ECHDC2: variants seen among roughly 807,000 people sequenced by gnomAD.
ECHDC2 encodes the protein enoyl-CoA hydratase domain-containing protein 2, mitochondrial.
Under a neutral mutation model 40.6 loss-of-function variants are expected in ECHDC2, and 34 were observed. That is an observed-to-expected ratio of 0.84 (90% CI 0.64 to 1.11). The LOEUF is 1.11. ECHDC2 is among the 50% of genes most tolerant of loss of function. The pLI is 0.00. For missense variants in ECHDC2, 392 were observed against 400.7 expected (o/e 0.98, Z 0.19); for synonymous variants, 162 against 166.6 (o/e 0.97, Z 0.21).
At chr1:52,900,229 T>C (rs750397532) in intron 7 of ECHDC2, 2 of 152,100 alleles carry the variant, frequency 1.3e-5, no homozygotes, top group East Asian at 1.9e-4. Context: ...TACTAAAATA[T>C]CAATATGCCT....
chr1:52,900,071 A>C (rs899559075), intron 7 of ECHDC2: 7 of 152,228 alleles, frequency 4.6e-5, no homozygotes, highest in African/African-American at 1.7e-4. Context: ...AGTTAGTATA[A>C]AGTAACTTTT....
chr1:52,899,044 A>C, intron 8 of ECHDC2, 130 bp downstream of exon 8: 1 of 901,910 alleles, frequency 1.1e-6, no homozygotes, highest in Admixed American at 1.9e-5. Flanking sequence ...GCACGAGGTC[A>C]GAGTTCAAGT....
intron 9 of ECHDC2, 125 bp downstream of exon 9, chr1:52,897,312 C>T (rs910447649): frequency 2.3e-5 from 23 of 983,978 alleles, no homozygotes; most frequent in Non-Finnish European, 3.3e-5. Flanking sequence ...TTATGAGGGA[C>T]GATGGATGCG....
At position 52,921,559 on chromosome 1, in the gene ECHDC2, C is replaced by A. The variant is rs1291585091; in HGVS notation, c.115G>T (p.Asp39Tyr). The change falls in exon 1 of 10, where the codon GAC becomes TAC. Residue 39 changes from aspartate to tyrosine, a missense_variant. By Grantham distance (160) the Asp-to-Tyr change is radical. Coordinates refer to ENST00000371522, the MANE Select transcript of ECHDC2 (RefSeq NM_001198961.2). ...CCCGGAACTGCACATTTACCTTGGT[C>A]CGGACCCGCCAGGGCGCGCACTTGG... Reference protein sequence around the residue: ...EIQVRALAGPDQGITEILMNR... With the variant: ...EIQVRALAGPYQGITEILMNR... 3 of 1,609,624 alleles carry A rather than the reference C, an allele frequency of 1.9e-6. No individual in the cohort carries two copies. The highest frequency in any genetic ancestry group is 2.7e-5 in the African/African-American group (2 of 74,914).
intron 4 of ECHDC2, chr1:52,907,403 C>T: frequency 6.3e-6 from 1 of 159,146 alleles, no homozygotes; most frequent in Non-Finnish European, 1.4e-5. Context: ...TCCCATGGGG[C>T]TCAGTCTCAT....
rs781175129 is a variant in ECHDC2 at position 52,921,594 on chromosome 1, C to A, written c.80G>T (p.Gly27Val). Residue 27 changes from glycine to valine, a missense_variant, in exon 1 of 10, where the codon GGC becomes GTC. Coordinates refer to ENST00000371522, the MANE Select transcript of ECHDC2 (RefSeq NM_001198961.2). ...CAGGGCGCGCACTTGGATCTCTGAGCCCCCGGCCGCCCCGTCGGAAGCGCA... is the reference window on the plus strand; with the variant it reads ...CAGGGCGCGCACTTGGATCTCTGAGACCCCGGCCGCCCCGTCGGAAGCGCA... ...RGCASDGAAG[G>V]SEIQVRALAG... The A allele has an allele frequency of 1.9e-6, 3 of 1,604,158 alleles. No individual in the cohort carries two copies. The highest frequency in any genetic ancestry group is 2.3e-5 in the East Asian group (1 of 44,436).
intron 7 of ECHDC2, chr1:52,902,090 T>G (rs1297239369): frequency 6.6e-6 from 1 of 151,938 alleles, no homozygotes; most frequent in Admixed American, 6.6e-5. Flanking sequence ...TTAAAGAAGA[T>G]CTGTTTTAAG....
At chr1:52,907,232 A>T (rs1426575700) in intron 4 of ECHDC2, 1 of 152,316 alleles carries the variant, frequency 6.6e-6, no homozygotes, top group Non-Finnish European at 1.5e-5. Context: ...CTTTAGGGAA[A>T]GTTACAGAAT....
intron 7 of ECHDC2, among the ~76,000 whole-genome samples, chr1:52,903,520 C>T (rs555426542): frequency 6.6e-6 from 1 of 151,982 alleles, no homozygotes; most frequent in Admixed American, 6.6e-5. Flanking sequence ...GCGTGACCAG[C>T]TTACTGCAGC....
Position 52,896,602 on chromosome 1 carries a change from A to G in ECHDC2, c.802-5T>C. ...CCGGTCCCGGGTTGGAATATTCTGCAACAAGGTACAAAATATTAGTTTTGG... is the reference window on the plus strand; with the variant it reads ...CCGGTCCCGGGTTGGAATATTCTGCGACAAGGTACAAAATATTAGTTTTGG... On this transcript the variant is annotated splice_polypyrimidine_tract_variant and splice_region_variant and intron_variant, in intron 9 of 9. Coordinates refer to ENST00000371522, the MANE Select transcript of ECHDC2 (RefSeq NM_001198961.2). The G allele has an allele frequency of 6.2e-7, 1 of 1,613,512 alleles. No individual in the cohort carries two copies. The highest frequency in any genetic ancestry group is 8.5e-7 in the Non-Finnish European group (1 of 1,179,454).
At chr1:52,920,656 C>A in intron 1 of ECHDC2, 1 of 733,840 alleles carries the variant, frequency 1.4e-6, no homozygotes, top group Non-Finnish European at 2.3e-6. Context: ...TTAAACCTCT[C>A]TATTCCCTGC....
At position 52,896,397 on chromosome 1, in the gene ECHDC2, C is replaced by A; in HGVS notation, c.*123G>T. 1 of 821,918 alleles carries A rather than the reference C, an allele frequency of 1.2e-6. No homozygotes were observed. 50.9% of individuals were successfully genotyped at this position (821,918 alleles called of 1,614,324 possible). A position where few individuals can be genotyped will look rare whatever the true frequency, so the allele number is the denominator to read the frequency against. Reference sequence around the variant, plus strand: ...ACGCCAGTCATTTTATTTCCATCATCATCCTTGTGAAGAAATGGAAGTCTG... The same window carrying A: ...ACGCCAGTCATTTTATTTCCATCATAATCCTTGTGAAGAAATGGAAGTCTG... On this transcript the variant is annotated 3_prime_UTR_variant, in exon 10 of 10. Coordinates refer to ENST00000371522, the MANE Select transcript of ECHDC2 (RefSeq NM_001198961.2).
At chr1:52,906,381 T>C in intron 5 of ECHDC2, 138 bp downstream of exon 5, 1 of 767,762 alleles carries the variant, frequency 1.3e-6, no homozygotes, top group Non-Finnish European at 2.3e-6. Context: ...GAGCACCCTC[T>C]GTGCTCTGCC....
chr1:52,904,951 A>G (rs778091512), intron 6 of ECHDC2, 83 bp downstream of exon 6: 113 of 1,597,442 alleles, frequency 7.1e-5, no homozygotes, highest in Non-Finnish European at 9.6e-5. Flanking sequence ...GGGAGGGCAG[A>G]GCCCAGAACA....
In ECHDC2 at chr1:52,914,580, C is replaced by T. The variant is rs1356042648; in HGVS notation, c.122-2790G>A. Among the ~76,000 whole-genome samples, 1 of 152,136 alleles carries T rather than the reference C, an allele frequency of 6.6e-6. No homozygotes were observed. The highest frequency in any genetic ancestry group is 6.5e-5 in the Admixed American group (1 of 15,270). ...CTGCCTCCTGTACACCCAGGGCTCC[C>T]GTGTGTGCCCAGGAGCCCAGAGCTC... On this transcript the variant is annotated intron_variant, in intron 1 of 9. Coordinates refer to ENST00000371522, the MANE Select transcript of ECHDC2 (RefSeq NM_001198961.2). This position sits in a 1 kb window ranked among gnomAD's most constrained non-coding sequence, Gnocchi z 4.0.
At chr1:52,903,608 A>G (rs960746988) in intron 7 of ECHDC2, among the ~76,000 whole-genome samples, 2 of 150,964 alleles carry the variant, frequency 1.3e-5, no homozygotes, top group Non-Finnish European at 3.0e-5. Context: ...TCTGGCTAAA[A>G]CATGAGCCTG....
chr1:52,899,369 T>A, intron 7 of ECHDC2, 145 bp from the exon 8 acceptor site: 2 of 691,452 alleles, frequency 2.9e-6, no homozygotes, highest in Non-Finnish European at 5.0e-6. Context: ...TTAGCGTTAG[T>A]CCTATAACCT....
In ECHDC2 at chr1:52,914,099, G is replaced by A. The variant is rs552440201; in HGVS notation, c.122-2309C>T. The stretch of plus-strand genomic sequence containing the variant: ...CTGTCCTCATGGAACCTACAGCCTA[G>A]TGGGGAAGACAGACATTAAATAATT... On this transcript the variant is annotated intron_variant, in intron 1 of 9. Coordinates refer to ENST00000371522, the MANE Select transcript of ECHDC2 (RefSeq NM_001198961.2). The surrounding 1 kb of genome is among the most constrained non-coding windows in gnomAD (Gnocchi z 4.0). The A allele has an allele frequency of 1.8e-6, 1 of 560,182 alleles. No individual in the cohort carries two copies. The highest frequency in any genetic ancestry group is 1.9e-5 in the African/African-American group (1 of 52,072). 34.7% of individuals were successfully genotyped at this position (560,182 alleles called of 1,614,324 possible).
Position 52,900,293 on chromosome 1 carries a change from T to TA in ECHDC2, c.703-1070dup, listed in dbSNP as rs934055112. On this transcript the variant is annotated intron_variant, in intron 7 of 9. Coordinates refer to ENST00000371522, the MANE Select transcript of ECHDC2 (RefSeq NM_001198961.2). ...TTTACATACATTATTGATAGAAAAG[T>TA]AAAAGAGTATGCCACAGGAGAGCAA... 3 of 152,054 alleles carry TA rather than the reference T, an allele frequency of 2.0e-5. No individual in the cohort carries two copies. The East Asian group carries it at 5.8e-4, about 29-fold the overall frequency. 9.4% of individuals were successfully genotyped at this position (152,054 alleles called of 1,614,324 possible).
Sources: allele counts gnomAD v4.1 joint callset (sites outside exome capture counted in the v4.1 genomes callset), GRCh38; gene constraint gnomAD v4.1.1; non-coding constraint Gnocchi (gnomAD v3.1); transcripts MANE v1.5; gene names NCBI Gene and HGNC (gene_info 2026-07-23, HGNC 2026-07-21).